The following ANKHD1 variants were observed in gnomAD, a reference collection of about 807,000 sequenced individuals.
The protein encoded by ANKHD1 is ankyrin repeat and KH domain containing 1, also known as ankyrin repeat and KH domain-containing protein 1.
A neutral mutation model predicts 230.5 loss-of-function variants in ANKHD1; 31 were observed. That is an observed-to-expected ratio of 0.13 (90% CI 0.10 to 0.18). ANKHD1 has a LOEUF of 0.18. ANKHD1 is among the 10% of genes least tolerant of loss of function. The probability of loss-of-function intolerance (pLI) is 1.00; values close to 1 mark genes in which losing one functional copy is unlikely to be tolerated. For synonymous variants in ANKHD1, 1,074 were observed against 1,117.6 expected, an observed-to-expected ratio of 0.96 and a Z score of 0.78; for missense variants, 2,256 against 3,071.3, an observed-to-expected ratio of 0.73 and a Z score of 6.27.
At chr5:140,437,637 C>T (rs1300015103) in intron 2 of ANKHD1, among the ~76,000 whole-genome samples, 8 of 152,256 alleles carry the variant, frequency 5.3e-5, no homozygotes, top group African/African-American at 1.2e-4. Context: ...ACCCAGAAGG[C>T]GGAGGTTGCA....
chr5:140,528,330 G>C lies in ANKHD1; in HGVS notation c.5384G>C (p.Gly1795Ala). ...TCAATTCATGCTAACTTCTCATCTG[G>C]AGTAGGTACCACAGCAGCTTCCAGT... is the stretch of plus-strand genomic sequence containing the variant. ...TKSIHANFSS[G>A]VGTTAASSKN... Residue 1795 changes from glycine to alanine, a missense_variant, in exon 29 of 34, where the codon GGA (glycine) becomes GCA (alanine). By Grantham distance (60) the Gly-to-Ala change is moderately conservative (BLOSUM62 0). Around this residue, in one of 13 missense-constraint regions of ANKHD1, gnomAD observed 778 missense variants for 966.5 expected, o/e 0.80. Transcript: ENST00000360839. 5.6e-6 allele frequency: 9 copies of C among 1,614,020 alleles called. No homozygotes were observed. Among genetic ancestry groups the C allele is most frequent in the Non-Finnish European group, 7.6e-6 (9 of 1,180,004 alleles).
At chr5:140,411,900 A>T (rs1770959918) in intron 1 of ANKHD1, among the ~76,000 whole-genome samples, 1 of 150,354 alleles carries the variant, frequency 6.7e-6, no homozygotes, top group African/African-American at 2.5e-5. Flanking sequence ...GCAGGAGTGC[A>T]GTGGCTCACG....
chr5:140,432,861 G>A (rs1259933128), intron 1 of ANKHD1, among the ~76,000 whole-genome samples: 1 of 151,998 alleles, frequency 6.6e-6, no homozygotes, highest in Non-Finnish European at 1.5e-5. Flanking sequence ...ATGCCATGAC[G>A]CTAGGCTAAT....
At chr5:140,427,777 AT>A in intron 1 of ANKHD1, among the ~76,000 whole-genome samples, 1 of 146,262 alleles carries the variant, frequency 6.8e-6, no homozygotes, top group Admixed American at 6.7e-5. Flanking sequence ...CGGGGGGCTG[AT>A]CCCCCCACCT....
Position 140,449,421 on chromosome 5 carries a change from T to G in ANKHD1, c.1242+116T>G, listed in dbSNP as rs569121531. ...GGCTCACGCCTGTAATCCCAGCACT[T>G]TGAGAGGCCAAGTCGGGCGGATCAC... On this transcript the variant is annotated intron_variant, in intron 7 of 33. Transcript: ENST00000360839. The G allele has an allele frequency of 1.1e-5, 13 of 1,205,950 alleles. No homozygotes were observed. In the South Asian group the frequency reaches 1.7e-4, roughly 16 times the overall value. The allele number at this position is 1,205,950 out of a possible 1,614,324, so 74.7% of individuals were successfully genotyped here. A position where few individuals can be genotyped will look rare whatever the true frequency, so the allele number is the denominator to read the frequency against.
intron 24 of ANKHD1, among the ~76,000 whole-genome samples, chr5:140,515,451 C>T (rs1226776209): frequency 3.3e-5 from 5 of 152,118 alleles, no homozygotes; most frequent in Admixed American, 6.6e-5. Context: ...AGAAAAAAGA[C>T]GGGAGGAGCC....
intron 1 of ANKHD1, among the ~76,000 whole-genome samples, chr5:140,434,029 A>G (rs183367907): frequency 4.6e-5 from 7 of 152,260 alleles, no homozygotes; most frequent in Non-Finnish European, 1.0e-4. Context: ...GTATAGCTCA[A>G]TGTTTTTAGG....
At chr5:140,513,043 C>G (rs540120283) in intron 23 of ANKHD1, 120 bp downstream of exon 23, 2 of 978,088 alleles carry the variant, frequency 2.0e-6, no homozygotes, top group Admixed American at 6.2e-5. Flanking sequence ...TCTCTTTATG[C>G]GTTTGTTTCT....
At position 140,505,124 on chromosome 5, in the gene ANKHD1, T is replaced by C. The variant is rs372163558; in HGVS notation, c.3153T>C (p.Thr1051=). 6.2e-7 allele frequency: 1 copy of C among 1,613,656 alleles called. No individual in the cohort carries two copies. The highest frequency in any genetic ancestry group is 8.5e-7 in the Non-Finnish European group (1 of 1,179,958). ...VYPSVDIDAH[T]ESNHDTALTL... is the part of the protein sequence containing the mutation. ...AACTTATTTTTTTCTTCTCCTAGAC[T>C]GAGAGCAATCATGACACAGCATTAA... The change falls in exon 17 of 34, where the codon ACT becomes ACC. Residue 1051 remains threonine, a splice_region_variant and synonymous_variant. Transcript: ENST00000360839.
intron 10 of ANKHD1, 150 bp from the exon 11 acceptor site, chr5:140,482,430 A>G (rs1486682699): frequency 1.0e-5 from 8 of 782,710 alleles, no homozygotes; most frequent in African/African-American, 5.4e-5. Context: ...AAAATCCTGT[A>G]TAATGGGGGA....
At position 140,402,164 on chromosome 5, in the gene ANKHD1, G is replaced by A; in HGVS notation, c.197G>A (p.Ser66Asn). ...VGSSGGGGSGSGTGGGDAALD... is the reference protein window; with the variant it reads ...VGSSGGGGSGNGTGGGDAALD... ...AGCAGCGGCGGCGGCGGCAGCGGCA[G>A]CGGTACGGGCGGAGGGGACGCGGCG... is the stretch of plus-strand genomic sequence containing the variant. The change falls in exon 1 of 34, where the codon AGC (serine) becomes AAC (asparagine). Residue 66 changes from serine to asparagine, a missense_variant. Ser to Asn is a conservative substitution (Grantham distance 46, BLOSUM62 1). This residue lies in a region of ANKHD1 where 193 missense variants were observed against 185.8 expected (regional missense o/e 1.04). Coordinates refer to ENST00000360839, the MANE Select transcript of ANKHD1 (RefSeq NM_017747.3). 1 of 1,524,140 alleles carries A rather than the reference G, an allele frequency of 6.6e-7. No homozygotes were observed. The highest frequency in any genetic ancestry group is 2.1e-5 in the Admixed American group (1 of 47,270). The allele number at this position is 1,524,140 out of a possible 1,614,324, so 94.4% of individuals were successfully genotyped here.
At chr5:140,520,079 C>G (rs1753251958) in intron 24 of ANKHD1, among the ~76,000 whole-genome samples, 1 of 149,470 alleles carries the variant, frequency 6.7e-6, no homozygotes, top group Admixed American at 6.6e-5. Context: ...AACAAATTTA[C>G]AAGAAAAAAA....
intron 15 of ANKHD1, among the ~76,000 whole-genome samples, chr5:140,504,315 G>C (rs563690438): frequency 2.0e-5 from 3 of 152,210 alleles, no homozygotes; most frequent in Non-Finnish European, 4.4e-5. Context: ...GCCTCCCAAA[G>C]TGCTGGGATT....
At chr5:140,462,583 G>A (rs965165208) in intron 9 of ANKHD1, among the ~76,000 whole-genome samples, 6 of 151,892 alleles carry the variant, frequency 4.0e-5, no homozygotes, top group Non-Finnish European at 8.8e-5. Flanking sequence ...AAATTAGCCA[G>A]GCGTGGTGGT....
intron 1 of ANKHD1, among the ~76,000 whole-genome samples, chr5:140,428,297 G>A (rs1772711557): frequency 6.6e-6 from 1 of 152,242 alleles, no homozygotes; most frequent in South Asian, 2.1e-4. Flanking sequence ...CTGGGAGGTG[G>A]AGGTTGCAGC....
At chr5:140,450,831 A>G (rs562742128) in intron 7 of ANKHD1, among the ~76,000 whole-genome samples, 31 of 152,014 alleles carry the variant, frequency 2.0e-4, no homozygotes, top group African/African-American at 7.2e-4. Context: ...TGTATGCAAG[A>G]TATGTTAGCA....
chr5:140,448,285 A>G (rs1774446434), intron 6 of ANKHD1, among the ~76,000 whole-genome samples: 2 of 152,344 alleles, frequency 1.3e-5, no homozygotes, highest in East Asian at 1.9e-4. Context: ...ATAATTGCCT[A>G]TTGTTGGACA....
At chr5:140,418,950 C>T (rs1300087776) in intron 1 of ANKHD1, among the ~76,000 whole-genome samples, 2 of 152,096 alleles carry the variant, frequency 1.3e-5, no homozygotes, top group African/African-American at 4.8e-5. Flanking sequence ...AGGCTGGTCT[C>T]GAACTCCTGG....
intron 1 of ANKHD1, among the ~76,000 whole-genome samples, chr5:140,428,330 C>T (rs1229147436): frequency 6.6e-6 from 1 of 152,378 alleles, no homozygotes; most frequent in Admixed American, 6.5e-5. Context: ...CGCCACTGCA[C>T]TCCAGCCTGG....
Sources: allele counts gnomAD v4.1 joint callset (sites outside exome capture counted in the v4.1 genomes callset), GRCh38; gene constraint gnomAD v4.1.1; regional missense constraint gnomAD v4.1.1; transcripts MANE v1.5; gene names NCBI Gene and HGNC (gene_info 2026-07-23, HGNC 2026-07-21).